Variants in MGRN1 observed in about 807,000 individuals in gnomAD.
MGRN1 encodes mahogunin ring finger 1, also known as E3 ubiquitin-protein ligase MGRN1.
A neutral mutation model predicts 69.2 loss-of-function variants in MGRN1; 29 were observed. The observed-to-expected ratio is 0.42, with a 90% CI of 0.31 to 0.57. The LOEUF (loss-of-function observed/expected upper bound fraction) is 0.57, where lower values mean the gene tolerates loss of function less well. Among genes scored for constraint, MGRN1 ranks in the 20% least tolerant of loss-of-function variants. The pLI, the probability that MGRN1 is intolerant of heterozygous loss-of-function variation, is 0.15. For synonymous variants in MGRN1, 470 were observed against 344.2 expected, an observed-to-expected ratio of 1.37 and a Z score of -4.04; for missense variants, 998 against 796.2, an observed-to-expected ratio of 1.25 and a Z score of -3.05.
At chr16:4,673,415 G>T in intron 9 of MGRN1, 83 bp from the exon 10 acceptor site, 1 of 1,535,946 alleles carries the variant, frequency 6.5e-7, no homozygotes, top group East Asian at 2.3e-5. Flanking sequence ...GGGTGGAGTG[G>T]GGTGGGACAG....
intron 1 of MGRN1, among the ~76,000 whole-genome samples, chr16:4,631,957 A>G (rs575003533): frequency 4.8e-5 from 7 of 146,672 alleles, no homozygotes; most frequent in South Asian, 4.3e-4. Flanking sequence ...ATATTTGCCA[A>G]TCTATTACTG....
chr16:4,683,285 C>T lies in MGRN1; in HGVS notation c.1528+16C>T. ...CCACAGCAAGGTGAGCGCCTCCTTCCATGGGCACAAACCGCATGCAGGGAC... is the reference window on the plus strand; with the variant it reads ...CCACAGCAAGGTGAGCGCCTCCTTCTATGGGCACAAACCGCATGCAGGGAC... On this transcript the variant is annotated intron_variant, in intron 15 of 16. Transcript: ENST00000262370. 2 of 1,613,516 alleles carry T rather than the reference C, an allele frequency of 1.2e-6. No individual in the cohort carries two copies. Among genetic ancestry groups the T allele is most frequent in the African/African-American group, 2.7e-5 (2 of 75,058 alleles).
chr16:4,663,365 GTTT>G (rs1183914569), intron 5 of MGRN1, among the ~76,000 whole-genome samples: 18 of 61,804 alleles, frequency 2.9e-4, no homozygotes, highest in Non-Finnish European at 4.5e-4. Flanking sequence ...ACCTGGCCTT[GTTT>G]TTTTTTTTTT....
At position 4,673,672 on chromosome 16, in the gene MGRN1, C is replaced by T. The variant is rs180750769; in HGVS notation, c.955+15C>T. 2.2e-5 allele frequency: 35 copies of T among 1,611,214 alleles called. No homozygotes were observed. Among genetic ancestry groups the T allele is most frequent in the Admixed American group, 1.8e-4 (11 of 59,974 alleles). On this transcript the variant is annotated intron_variant, in intron 10 of 16. Transcript: ENST00000262370. ...CTGCCGGCTGCGTGAGTTCCCCGGC[C>T]GGCTGTTCTGTGGAAGGTTCTGGAA...
chr16:4,674,621 C>CTTTTTTTTTTTTTTTTTTTTTTTTT (rs2079014394), intron 10 of MGRN1, among the ~76,000 whole-genome samples: 3 of 59,794 alleles, frequency 5.0e-5, no homozygotes, highest in South Asian at 5.7e-4. Context: ...CTTTTCTTTT[C>CTTTTTTTTTTTTTTTTTTTTTTTTT]TTTTCTTTTT....
At chr16:4,652,083 G>C (rs779481137) in intron 3 of MGRN1, 32 bp downstream of exon 3, 8 of 1,599,980 alleles carry the variant, frequency 5.0e-6, no homozygotes, top group Non-Finnish European at 6.8e-6. Context: ...GGACCCTGTG[G>C]CTCTGTGGGG....
At chr16:4,648,063 G>A (rs899317790) in intron 1 of MGRN1, among the ~76,000 whole-genome samples, 2 of 152,314 alleles carry the variant, frequency 1.3e-5, no homozygotes, top group East Asian at 1.9e-4. Flanking sequence ...GCCCCGGGAA[G>A]GGCCCACCTG....
intron 13 of MGRN1, among the ~76,000 whole-genome samples, chr16:4,682,288 C>G (rs1462603749): frequency 2.6e-5 from 4 of 152,230 alleles, no homozygotes; most frequent in Non-Finnish European, 2.9e-5. Context: ...ATCACTCATA[C>G]GACAGCCTTC....
intron 1 of MGRN1, among the ~76,000 whole-genome samples, chr16:4,625,810 C>T (rs969579705): frequency 2.6e-5 from 4 of 152,216 alleles, no homozygotes; most frequent in African/African-American, 9.6e-5. Flanking sequence ...AGCTCCAAGT[C>T]TCACCCTCCA....
chr16:4,647,542 T>A (rs1170216863), intron 1 of MGRN1, among the ~76,000 whole-genome samples: 3 of 152,258 alleles, frequency 2.0e-5, no homozygotes, highest in Non-Finnish European at 4.4e-5. Context: ...CCTGGCAGCC[T>A]TGTGGGCGTG....
chr16:4,666,051 C>T (rs554537680), intron 7 of MGRN1, among the ~76,000 whole-genome samples: 47 of 151,932 alleles, frequency 3.1e-4, no homozygotes, highest in Non-Finnish European at 5.0e-4. Flanking sequence ...AGGATGGTCT[C>T]GATCTCCTGC....
intron 1 of MGRN1, among the ~76,000 whole-genome samples, chr16:4,632,173 C>G (rs1208955437): frequency 7.4e-6 from 1 of 135,402 alleles, no homozygotes; most frequent in African/African-American, 2.8e-5. Flanking sequence ...CATGCCACCA[C>G]GCCCAGCTAA....
chr16:4,655,229 A>G (rs2078506160), intron 4 of MGRN1, among the ~76,000 whole-genome samples: 1 of 152,088 alleles, frequency 6.6e-6, no homozygotes, highest in Non-Finnish European at 1.5e-5. Flanking sequence ...TAAGTTGTCT[A>G]TCCGCTGCCC....
chr16:4,647,345 C>T (rs1240859824), intron 1 of MGRN1, among the ~76,000 whole-genome samples: 3 of 152,258 alleles, frequency 2.0e-5, no homozygotes, highest in East Asian at 1.9e-4. Flanking sequence ...GGCCCCGCCC[C>T]GTAGGCTGTG....
intron 5 of MGRN1, 44 bp from the exon 6 acceptor site, chr16:4,664,665 T>G (rs780577899): frequency 1.2e-6 from 2 of 1,605,644 alleles, no homozygotes; most frequent in Non-Finnish European, 8.5e-7. Context: ...GCTTCCAGGC[T>G]TGGCTGTGTG....
intron 9 of MGRN1, chr16:4,672,656 G>C: frequency 3.0e-6 from 1 of 335,940 alleles, no homozygotes; most frequent in South Asian, 2.2e-5. Flanking sequence ...AGCGGGGACT[G>C]TATAAAAATG....
At position 4,644,031 on chromosome 16, in the gene MGRN1, G is replaced by A. The variant is rs1295003322; in HGVS notation, c.89-6334G>A. Among the ~76,000 whole-genome samples the A allele has an allele frequency of 2.0e-5, 3 of 152,094 alleles. No individual in the cohort carries two copies. The East Asian group carries it at 5.8e-4, about 29-fold the overall frequency. ...TCTGTTGCCCAGGCTGGAGTGGAGT[G>A]AGGTGGTGCAATCTCGGCTCCCTGC... On this transcript the variant is annotated intron_variant, in intron 1 of 16. Transcript: ENST00000262370.
chr16:4,678,707 C>T (rs926952999), intron 11 of MGRN1, among the ~76,000 whole-genome samples: 5 of 152,334 alleles, frequency 3.3e-5, no homozygotes, highest in African/African-American at 1.2e-4. Context: ...TGGCCACGCG[C>T]ATTGTCAGAT....
intron 8 of MGRN1, 70 bp downstream of exon 8, chr16:4,668,382 C>T: frequency 6.6e-7 from 1 of 1,524,326 alleles, no homozygotes; most frequent in Middle Eastern, 1.7e-4. Context: ...CACACGCATA[C>T]TCATACATAG....
Sources: allele counts gnomAD v4.1 joint callset (sites outside exome capture counted in the v4.1 genomes callset), GRCh38; gene constraint gnomAD v4.1.1; transcripts MANE v1.5; gene names NCBI Gene and HGNC (gene_info 2026-07-23, HGNC 2026-07-21).